TENM3: variants seen among roughly 807,000 people sequenced by gnomAD.
TENM3 encodes teneurin-3.
TENM3 carries 63 observed loss-of-function variants against 255.1 expected under a neutral mutation model. That is an observed-to-expected ratio of 0.25 (90% CI 0.20 to 0.30). The LOEUF (loss-of-function observed/expected upper bound fraction) is 0.30. Among genes scored for constraint, TENM3 ranks in the 10% least tolerant of loss-of-function variants. The probability of loss-of-function intolerance (pLI) is 1.00; values close to 1 mark genes in which losing one functional copy is unlikely to be tolerated. For missense variants in TENM3, 2,929 were observed against 3,461.1 expected (o/e 0.85, Z 3.86); for synonymous variants, 1,306 against 1,322.3 (o/e 0.99, Z 0.27).
chr4:182,303,400 A>G (rs1208218775), intron 1 of TENM3, among the ~76,000 whole-genome samples: 1 of 152,196 alleles, frequency 6.6e-6, no homozygotes, highest in Non-Finnish European at 1.5e-5. Flanking sequence ...ACTGAACCAT[A>G]TTATGACATA....
the TENM3 span, among the ~76,000 whole-genome samples, chr4:181,653,035 C>CA: frequency 1.3e-5 from 2 of 152,254 alleles, no homozygotes; most frequent in South Asian, 4.1e-4. Flanking sequence ...AATTTTGTCT[C>CA]AAAAAATCGG....
chr4:182,503,456 C>T (rs563823631), intron 3 of TENM3, among the ~76,000 whole-genome samples: 152 of 152,292 alleles, frequency 1.0e-3, no homozygotes, highest in African/African-American at 3.5e-3. Context: ...ACTTCTGCTG[C>T]AGGGTCTTTG....
At chr4:182,787,104 G>T (rs888423277) in intron 24 of TENM3, among the ~76,000 whole-genome samples, 15 of 151,702 alleles carry the variant, frequency 9.9e-5, no homozygotes, top group Non-Finnish European at 1.5e-5. Flanking sequence ...ATTCTACAAA[G>T]CTCAACTCAT....
chr4:182,105,441 G>A, the TENM3 span, among the ~76,000 whole-genome samples: 1 of 152,154 alleles, frequency 6.6e-6, no homozygotes, highest in Non-Finnish European at 1.5e-5. Context: ...AAGTTTGAGG[G>A]ATTCCCGAAA....
At chr4:181,676,261 C>T in the TENM3 span, among the ~76,000 whole-genome samples, 3 of 152,002 alleles carry the variant, frequency 2.0e-5, no homozygotes, top group African/African-American at 4.8e-5. Flanking sequence ...ACTTCACAAA[C>T]AATATATAAC....
chr4:181,673,928 T>G, the TENM3 span, among the ~76,000 whole-genome samples: 1 of 151,534 alleles, frequency 6.6e-6, no homozygotes, highest in East Asian at 2.0e-4. Flanking sequence ...ACATTACACA[T>G]GATTGAGGTT....
chr4:182,426,007 C>CAAAAAAAAAAAAAAAAAAAAAACAAAAAA (rs1771187150), intron 3 of TENM3, among the ~76,000 whole-genome samples: 1 of 90,762 alleles, frequency 1.1e-5, no homozygotes, highest in African/African-American at 4.4e-5. Context: ...GAGTCCATGT[C>CAAAAAAAAAAAAAAAAAAAAAACAAAAAA]AAAAAAAAAA....
At chr4:181,525,641 CCT>C in the TENM3 span, among the ~76,000 whole-genome samples, 2 of 152,100 alleles carry the variant, frequency 1.3e-5, no homozygotes, top group African/African-American at 2.4e-5. Flanking sequence ...ACCTTTTCCC[CCT>C]GTGTTTTTTT....
At chr4:181,584,363 T>C in the TENM3 span, among the ~76,000 whole-genome samples, 1 of 152,146 alleles carries the variant, frequency 6.6e-6, no homozygotes, top group Non-Finnish European at 1.5e-5. Flanking sequence ...GTGACCTAAT[T>C]TCATTTAGTC....
At chr4:182,785,776 CAAA>C (rs34456992) in intron 24 of TENM3, among the ~76,000 whole-genome samples, 1 of 116,502 alleles carries the variant, frequency 8.6e-6, no homozygotes, top group Non-Finnish European at 1.9e-5. Flanking sequence ...ATGACTGTAA[CAAA>C]AAAAAAAAAA....
At chr4:182,660,520 A>C (rs1055917329) in intron 6 of TENM3, among the ~76,000 whole-genome samples, 2 of 152,214 alleles carry the variant, frequency 1.3e-5, no homozygotes, top group African/African-American at 4.8e-5. Context: ...AAAGCTATTC[A>C]ATGCATATCA....
At chr4:181,783,584 G>A in the TENM3 span, among the ~76,000 whole-genome samples, 57,833 of 151,980 alleles carry the variant, frequency 0.38, 11,634 homozygotes, top group Non-Finnish European at 0.43. Context: ...AAAGTTCCAT[G>A]AAAATTTTAT....
chr4:182,624,314 C>A (rs191456967), intron 4 of TENM3, among the ~76,000 whole-genome samples: 1 of 152,204 alleles, frequency 6.6e-6, no homozygotes, highest in African/African-American at 2.4e-5. Context: ...TTTCATGGGA[C>A]CAAAGACTAA....
At chr4:182,561,723 G>A (rs1743201666) in intron 3 of TENM3, among the ~76,000 whole-genome samples, 1 of 151,860 alleles carries the variant, frequency 6.6e-6, no homozygotes, top group Non-Finnish European at 1.5e-5. Flanking sequence ...AGTTATGTAA[G>A]GGATTATTTA....
intron 12 of TENM3, among the ~76,000 whole-genome samples, chr4:182,691,436 A>C (rs1471985663): frequency 6.6e-6 from 1 of 152,244 alleles, no homozygotes; most frequent in Non-Finnish European, 1.5e-5. Flanking sequence ...GACATTCTTC[A>C]TTAGTCATCC....
chr4:181,840,492 ATT>A, the TENM3 span, among the ~76,000 whole-genome samples: 1 of 152,136 alleles, frequency 6.6e-6, no homozygotes, highest in Non-Finnish European at 1.5e-5. Flanking sequence ...ACTAAATACT[ATT>A]TTGAGGTTTT....
chr4:181,513,318 G>T, the TENM3 span, among the ~76,000 whole-genome samples: 1 of 151,934 alleles, frequency 6.6e-6, no homozygotes, highest in South Asian at 2.1e-4. Context: ...GGATCTTACA[G>T]GCTTTTAAAA....
the TENM3 span, among the ~76,000 whole-genome samples, chr4:181,700,841 GA>G: frequency 3.0e-3 from 463 of 152,322 alleles, 3 homozygotes; most frequent in African/African-American, 0.01. Context: ...TTTCTGATGT[GA>G]ACTAGAAAAG....
the TENM3 span, among the ~76,000 whole-genome samples, chr4:182,114,505 A>G: frequency 1.3e-5 from 2 of 152,096 alleles, no homozygotes; most frequent in Admixed American, 6.5e-5. Context: ...ATATTGCCAT[A>G]CCATTACATT....
Sources: allele counts gnomAD v4.1 joint callset (sites outside exome capture counted in the v4.1 genomes callset), GRCh38; gene constraint gnomAD v4.1.1; transcripts MANE v1.5; gene names NCBI Gene and HGNC (gene_info 2026-07-23, HGNC 2026-07-21).